Variants in CFAP54 observed in about 807,000 individuals in gnomAD.
The protein encoded by CFAP54 is cilia- and flagella-associated protein 54.
Under a neutral mutation model 370.4 loss-of-function variants are expected in CFAP54, and 290 were observed. That is an observed-to-expected ratio of 0.78 (90% confidence interval 0.71 to 0.86). The LOEUF is 0.86. Ranked by LOEUF, CFAP54 falls within the 40% of genes least tolerant of loss-of-function variation. The pLI, the probability that CFAP54 is intolerant of heterozygous loss-of-function variation, is 0.00. For missense variants in CFAP54, 3,399 were observed against 3,528.7 expected (o/e 0.96, Z 0.93); for synonymous variants, 1,206 against 1,236.5 (o/e 0.98, Z 0.52).
intron 56 of CFAP54, among the ~76,000 whole-genome samples, chr12:96,754,647 C>T (rs1261125984): frequency 1.3e-5 from 2 of 152,144 alleles, no homozygotes; most frequent in Non-Finnish European, 2.9e-5. Flanking sequence ...GCTCTGTGCC[C>T]TTTCCACAGG....
intron 26 of CFAP54, among the ~76,000 whole-genome samples, chr12:96,614,042 C>T (rs918658465): frequency 5.3e-5 from 8 of 152,096 alleles, no homozygotes; most frequent in African/African-American, 9.7e-5. Context: ...ATACCAAAGC[C>T]GGGCAGAGAC....
intron 58 of CFAP54, among the ~76,000 whole-genome samples, chr12:96,759,306 C>T (rs1261576788): frequency 6.9e-6 from 1 of 144,846 alleles, no homozygotes; most frequent in Non-Finnish European, 1.5e-5. Context: ...AAAAAAAACC[C>T]TTGTTTTTAT....
chr12:96,870,872 G>C (rs1220423471), intron 67 of CFAP54, among the ~76,000 whole-genome samples: 1 of 152,156 alleles, frequency 6.6e-6, no homozygotes. Context: ...AGAAACCAAA[G>C]GAATGGTAAT....
chr12:96,513,665 TG>T (rs1955198628), intron 5 of CFAP54, among the ~76,000 whole-genome samples: 1 of 152,002 alleles, frequency 6.6e-6, no homozygotes, highest in South Asian at 2.1e-4. Flanking sequence ...TGCTTGAGCC[TG>T]GGAGGCGGAG....
intron 39 of CFAP54, among the ~76,000 whole-genome samples, chr12:96,675,734 T>C (rs1592702923): frequency 6.6e-6 from 1 of 152,066 alleles, no homozygotes; most frequent in South Asian, 2.1e-4. Flanking sequence ...GTGGCACATA[T>C]ACACCATGGA....
At position 96,548,043 on chromosome 12, in the gene CFAP54, TTGTAAATGCA is replaced by T. The variant is rs1273511402; in HGVS notation, c.2154+67_2154+76del. 3.5e-5 allele frequency: 24 copies of T among 683,672 alleles called. 1 individual carries two copies. In the Admixed American group the frequency reaches 5.8e-4, roughly 16 times the overall value. 42.4% of individuals were successfully genotyped at this position (683,672 alleles called of 1,614,324 possible). A position where few individuals can be genotyped will look rare whatever the true frequency, so the allele number is the denominator to read the frequency against. ...ATTTTATTTTCAAATAATATTAAAT[TTGTAAATGCA>T]TAATGGTTAATTGTAGAAATAATTT... On this transcript the variant is annotated intron_variant, in intron 15 of 67. Transcript: ENST00000524981.
At position 96,817,764 on chromosome 12, in the gene CFAP54, G is replaced by T; in HGVS notation, c.8958-11G>T. On this transcript the variant is annotated splice_polypyrimidine_tract_variant and intron_variant, in intron 64 of 67. Transcript: ENST00000524981. ...CTTCAAATAAAATACATATATATTT[G>T]TTATTTTCAGGGTTATTGCAATTCA... is the stretch of plus-strand genomic sequence containing the variant. 2 of 1,431,310 alleles carry T rather than the reference G, an allele frequency of 1.4e-6. No individual in the cohort carries two copies. Among genetic ancestry groups the T allele is most frequent in the Non-Finnish European group, 1.8e-6 (2 of 1,084,196 alleles). The allele number at this position is 1,431,310 out of a possible 1,614,324, so 88.7% of individuals were successfully genotyped here.
At chr12:96,654,425 C>T (rs1396520561) in intron 36 of CFAP54, among the ~76,000 whole-genome samples, 3 of 149,274 alleles carry the variant, frequency 2.0e-5, no homozygotes, top group Admixed American at 6.7e-5. Context: ...GGCGTGAACC[C>T]GGGAGGCGGA....
At chr12:96,819,527 A>G (rs1959008958) in intron 65 of CFAP54, among the ~76,000 whole-genome samples, 1 of 152,174 alleles carries the variant, frequency 6.6e-6, no homozygotes, top group Non-Finnish European at 1.5e-5. Context: ...TCTGATATAT[A>G]TGGATTTAGC....
chr12:96,624,903 C>T (rs1480802886), intron 28 of CFAP54, among the ~76,000 whole-genome samples: 2 of 152,128 alleles, frequency 1.3e-5, no homozygotes, highest in Non-Finnish European at 2.9e-5. Flanking sequence ...AAGCTGTAAT[C>T]ATCTTATTAT....
In CFAP54 at chr12:96,616,083, A is replaced by G. The variant is rs545180975; in HGVS notation, c.3640-5507A>G. Among the ~76,000 whole-genome samples, 4 of 152,334 alleles carry G rather than the reference A, an allele frequency of 2.6e-5. No individual in the cohort carries two copies. In the South Asian group the frequency reaches 6.2e-4, roughly 24 times the overall value. ...GCACACATATGTTTATTGCGGCACT[A>G]TTCACAATAGCAAAGACTTGGAACC... On this transcript the variant is annotated intron_variant, in intron 26 of 67. Coordinates refer to ENST00000524981, the MANE Select transcript of CFAP54 (RefSeq NM_001306084.2).
At chr12:96,806,215 A>ATATATATATATAT (rs1565984969) in intron 63 of CFAP54, among the ~76,000 whole-genome samples, 2 of 79,456 alleles carry the variant, frequency 2.5e-5, no homozygotes, top group African/African-American at 8.6e-5. Flanking sequence ...TATATATATA[A>ATATATATATATAT]TAACAACATA....
intron 56 of CFAP54, 61 bp downstream of exon 56, chr12:96,753,959 A>G: frequency 1.3e-6 from 2 of 1,540,756 alleles, no homozygotes; most frequent in Non-Finnish European, 1.8e-6. Context: ...TTCTGTCAAC[A>G]ACAGGATTCT....
chr12:96,761,840 A>G (rs1389120617), intron 58 of CFAP54, among the ~76,000 whole-genome samples: 1 of 152,086 alleles, frequency 6.6e-6, no homozygotes, highest in Non-Finnish European at 1.5e-5. Context: ...TGTTTCATTG[A>G]CCTCTAAATC....
At chr12:96,663,210 A>G (rs1332230732) in intron 38 of CFAP54, among the ~76,000 whole-genome samples, 1 of 152,200 alleles carries the variant, frequency 6.6e-6, no homozygotes, top group African/African-American at 2.4e-5. Flanking sequence ...CACAAGGGAC[A>G]ATAAAGAAGA....
intron 9 of CFAP54, 128 bp from the exon 10 acceptor site, chr12:96,533,664 C>T: frequency 1.4e-6 from 1 of 724,746 alleles, no homozygotes; most frequent in East Asian, 3.0e-5. Context: ...CTTGTTTCCC[C>T]CACTAGAACG....
chr12:96,494,881 C>G (rs1247126332), intron 1 of CFAP54, among the ~76,000 whole-genome samples: 1 of 151,992 alleles, frequency 6.6e-6, no homozygotes, highest in Non-Finnish European at 1.5e-5. Context: ...CGCAACCTAC[C>G]ACGCCCAGCT....
intron 39 of CFAP54, 84 bp downstream of exon 39, chr12:96,664,016 T>A: frequency 1.0e-6 from 1 of 978,150 alleles, no homozygotes; most frequent in Non-Finnish European, 1.6e-6. Flanking sequence ...CTTCCATAAT[T>A]AGTATGTTTG....
chr12:96,860,801 T>C lies in CFAP54; in HGVS notation c.9172-18T>C, dbSNP rs1417049456. The C allele has an allele frequency of 6.6e-7, 1 of 1,518,998 alleles. No individual in the cohort carries two copies. The highest frequency in any genetic ancestry group is 1.3e-5 in the South Asian group (1 of 79,956). 94.1% of individuals were successfully genotyped at this position (1,518,998 alleles called of 1,614,324 possible). A position where few individuals can be genotyped will look rare whatever the true frequency, so the allele number is the denominator to read the frequency against. ...TTGAAACAATGCATTTCATGAACACTTTTATGTTTTTCCTCAGGTCCCATT... is the reference window on the plus strand; with the variant it reads ...TTGAAACAATGCATTTCATGAACACCTTTATGTTTTTCCTCAGGTCCCATT... On this transcript the variant is annotated intron_variant, in intron 66 of 67. Transcript: ENST00000524981.
Sources: gnomAD v4.1 joint callset for allele counts (sites outside exome capture counted in the v4.1 genomes callset) on GRCh38, gnomAD v4.1.1 for gene constraint, MANE v1.5 for transcripts, NCBI Gene and HGNC (gene_info 2026-07-23, HGNC 2026-07-21) for gene names.